BRF1: variants seen among roughly 807,000 people sequenced by gnomAD.
BRF1 encodes transcription factor IIIB 90 kDa subunit.
A neutral mutation model predicts 81.7 loss-of-function variants in BRF1; 59 were observed. The observed-to-expected ratio is 0.72, with a 90% CI of 0.59 to 0.90. The LOEUF (loss-of-function observed/expected upper bound fraction) is 0.90. BRF1 is among the 40% of genes least tolerant of loss of function. The pLI is 0.00. For missense variants in BRF1, 1,050 were observed against 936.3 expected (o/e 1.12, Z -1.58); for synonymous variants, 491 against 395.6 (o/e 1.24, Z -2.86).
At position 105,315,157 on chromosome 14, in the gene BRF1, C is replaced by A; in HGVS notation, c.-162+165G>T. On this transcript the variant is annotated intron_variant, in intron 1 of 17. Coordinates refer to the BRF1 transcript ENST00000327359. The surrounding 1 kb of genome is among the most constrained non-coding windows in gnomAD (Gnocchi z 4.4). Reference sequence around the variant, plus strand: ...CCAGCGGAGCCCAGGTCGCCCCCCGCGCCCCCGCCCGCCGGTTCGACGCGT... The same window carrying A: ...CCAGCGGAGCCCAGGTCGCCCCCCGAGCCCCCGCCCGCCGGTTCGACGCGT... The A allele has an allele frequency of 3.9e-6, 2 of 506,896 alleles. No individual in the cohort carries two copies. The highest frequency in any genetic ancestry group is 5.2e-6 in the Non-Finnish European group (2 of 384,686). 31.4% of individuals were successfully genotyped at this position (506,896 alleles called of 1,614,324 possible).
intron 4 of BRF1, among the ~76,000 whole-genome samples, chr14:105,254,619 T>C (rs951798705): frequency 2.0e-5 from 3 of 151,890 alleles, no homozygotes; most frequent in Non-Finnish European, 2.9e-5. Context: ...TGGAGTGCAA[T>C]GGCGCAATCG....
At chr14:105,229,135 C>T (rs942664621) in intron 6 of BRF1, among the ~76,000 whole-genome samples, 1 of 152,222 alleles carries the variant, frequency 6.6e-6, no homozygotes, top group Non-Finnish European at 1.5e-5. Context: ...ATTTTCAAAT[C>T]AAGGAAAATT....
chr14:105,308,782 T>C (rs919106325), intron 1 of BRF1, among the ~76,000 whole-genome samples: 1 of 151,792 alleles, frequency 6.6e-6, no homozygotes, highest in Non-Finnish European at 1.5e-5. Context: ...TGCCCAGCCA[T>C]GACTTTGTCT....
At chr14:105,305,405 G>GA (rs1179870907), upstream of BRF1, among the ~76,000 whole-genome samples, 1 of 151,494 alleles carries the variant, frequency 6.6e-6, no homozygotes, top group East Asian at 1.9e-4. Flanking sequence ...CTGTCTCAAA[G>GA]AAAAAAGAAA....
At position 105,269,140 on chromosome 14, in the gene BRF1, C is replaced by T. The variant is rs1168176713; in HGVS notation, c.439+3581G>A. ...GGGTCTGGGGGCTCTGGCTGGCAGG[C>T]CTAGGGCACGGTGCTGCCCGCAACC... On this transcript the variant is annotated intron_variant, in intron 3 of 17. Transcript: ENST00000547530. The surrounding 1 kb of genome is among the most constrained non-coding windows in gnomAD (Gnocchi z 5.0). 2.0e-5 allele frequency among the ~76,000 whole-genome samples: 3 copies of T among 152,074 alleles called. No homozygotes were observed. The highest frequency in any genetic ancestry group is 4.4e-5 in the Non-Finnish European group (3 of 67,970).
chr14:105,221,741 G>A lies in BRF1; in HGVS notation c.1222C>T (p.Leu408=). 2 of 1,610,554 alleles carry A rather than the reference G, an allele frequency of 1.2e-6. No individual in the cohort carries two copies. Among genetic ancestry groups the A allele is most frequent in the Non-Finnish European group, 1.7e-6 (2 of 1,179,518 alleles). The change falls in exon 11 of 18, where the codon CTG becomes TTG. Residue 408 remains leucine, a synonymous_variant. Coordinates refer to ENST00000547530, the MANE Select transcript of BRF1 (RefSeq NM_001519.4). ...GGGAGGGGGTCCAGCAGGGACCCCA[G>A]GGCCGGAGGTCTGCCGCCCCACTCG... The part of the protein sequence containing the change: ...SPEWGGRPPA[L]GSLLDPLPTA...
intron 5 of BRF1, chr14:105,248,303 G>T (rs1258155921): frequency 1.0e-6 from 1 of 985,474 alleles, no homozygotes; most frequent in East Asian, 1.1e-4. Context: ...AGGTCCACCT[G>T]CGTTCCTAAC....
chr14:105,278,179 G>A (rs1294881976), intron 2 of BRF1, among the ~76,000 whole-genome samples: 4 of 152,174 alleles, frequency 2.6e-5, no homozygotes, highest in African/African-American at 7.2e-5. Context: ...GCTGTGTGCC[G>A]TGGCTCATGC....
In BRF1 at chr14:105,221,791, C is replaced by G. The variant is rs756277480; in HGVS notation, c.1172G>C (p.Gly391Ala). The change falls in exon 11 of 18, where the codon GGC becomes GCC. Residue 391 changes from glycine to alanine, a missense_variant. Physicochemically the swap from Gly to Ala is moderately conservative, Grantham distance 60. This residue lies in a region of BRF1 where 1,043 missense variants were observed against 915.4 expected (regional missense o/e 1.14). Coordinates refer to ENST00000547530, the MANE Select transcript of BRF1 (RefSeq NM_001519.4). ...GGGGCTTCCTGCTGCTTCCGAGCTGCCGGGGGCACCACCAAGGAGCTCCCG... is the reference window on the plus strand; with the variant it reads ...GGGGCTTCCTGCTGCTTCCGAGCTGGCGGGGGCACCACCAAGGAGCTCCCG... ...LYRELLGGAP[G>A]SSEAAGSPEW... 1 of 1,611,802 alleles carries G rather than the reference C, an allele frequency of 6.2e-7. No homozygotes were observed. Among genetic ancestry groups the G allele is most frequent in the South Asian group, 1.1e-5 (1 of 90,984 alleles).
At position 105,219,851 on chromosome 14, in the gene BRF1, C is replaced by G. The variant is rs368797313; in HGVS notation, c.1377+218G>C. ...GGGCCGCAAGGACCAGGCGCAAAGC[C>G]AGGGGCCTCTCGACAGGCCGCCCCC... On this transcript the variant is annotated intron_variant, in intron 12 of 17. Transcript: ENST00000547530. 1.4e-3 allele frequency: 810 copies of G among 596,826 alleles called. 11 individuals carry two copies. In the African/African-American group the frequency reaches 0.014, roughly 10 times the overall value. 37.0% of individuals were successfully genotyped at this position (596,826 alleles called of 1,614,324 possible).
At position 105,210,456 on chromosome 14, in the gene BRF1, C is replaced by A; in HGVS notation, c.*95G>T. 1.4e-6 allele frequency: 2 copies of A among 1,448,284 alleles called. No individual in the cohort carries two copies. The highest frequency in any genetic ancestry group is 1.2e-5 in the South Asian group (1 of 83,438). 89.7% of individuals were successfully genotyped at this position (1,448,284 alleles called of 1,614,324 possible). A position where few individuals can be genotyped will look rare whatever the true frequency, so the allele number is the denominator to read the frequency against. On this transcript the variant is annotated 3_prime_UTR_variant, in exon 18 of 18. Coordinates refer to ENST00000547530, the MANE Select transcript of BRF1 (RefSeq NM_001519.4). The surrounding 1 kb of genome is among the most constrained non-coding windows in gnomAD (Gnocchi z 4.7). ...CCACCTGTCACCAGGAGTCTCGGCG[C>A]TGGGGCCTGCCTGCTGCGGTCCTGG...
chr14:105,285,365 A>G (rs2057277732), intron 2 of BRF1, among the ~76,000 whole-genome samples: 1 of 152,252 alleles, frequency 6.6e-6, no homozygotes, highest in Non-Finnish European at 1.5e-5. Context: ...TTTTAGGTTT[A>G]CGGTCAATCG....
intron 4 of BRF1, among the ~76,000 whole-genome samples, chr14:105,253,147 C>G (rs889716247): frequency 6.6e-6 from 1 of 152,226 alleles, no homozygotes. Context: ...AGGGCAACGC[C>G]GAGGGCTGGC....
At chr14:105,283,324 A>C (rs1422517068) in intron 2 of BRF1, among the ~76,000 whole-genome samples, 1 of 152,132 alleles carries the variant, frequency 6.6e-6, no homozygotes, top group East Asian at 1.9e-4. Context: ...GAGCTCACTG[A>C]GTGGGCAGCA....
intron 2 of BRF1, among the ~76,000 whole-genome samples, chr14:105,280,067 C>T (rs1232429272): frequency 2.0e-5 from 3 of 152,186 alleles, no homozygotes; most frequent in Non-Finnish European, 4.4e-5. Flanking sequence ...ACCACACCAC[C>T]CAGCAATCAC....
In BRF1 at chr14:105,229,101, G is replaced by A. The variant is rs587705282; in HGVS notation, c.695-188C>T. Among the ~76,000 whole-genome samples the A allele has an allele frequency of 3.7e-4, 57 of 152,330 alleles. 1 individual carries two copies. The highest frequency in any genetic ancestry group is 1.3e-3 in the African/African-American group (56 of 41,582). On this transcript the variant is annotated intron_variant, in intron 6 of 17. Transcript: ENST00000547530. ...ACGACATGACCCTCTCTATCTTATTGTGGGTGGCGGCTGCACCCATTCCAT... is the reference window on the plus strand; with the variant it reads ...ACGACATGACCCTCTCTATCTTATTATGGGTGGCGGCTGCACCCATTCCAT...
chr14:105,256,119 C>T, intron 4 of BRF1: 2 of 1,288,064 alleles, frequency 1.6e-6, no homozygotes, highest in East Asian at 3.4e-5. Context: ...AGCGAGACTC[C>T]ATCTCATAAA....
chr14:105,229,484 G>C (rs895121140), intron 6 of BRF1, among the ~76,000 whole-genome samples: 97 of 152,202 alleles, frequency 6.4e-4, no homozygotes, highest in African/African-American at 2.0e-3. Flanking sequence ...TGAGGAGTGA[G>C]GGCCCTGCCG....
intron 3 of BRF1, among the ~76,000 whole-genome samples, chr14:105,264,226 G>A (rs7153832): frequency 1.3e-5 from 2 of 151,904 alleles, no homozygotes; most frequent in East Asian, 1.9e-4. Flanking sequence ...ATCCTAGCAC[G>A]TTGGGAGGCC....
Sources: gnomAD v4.1 joint callset for allele counts (sites outside exome capture counted in the v4.1 genomes callset) on GRCh38, gnomAD v4.1.1 for gene constraint, gnomAD v4.1.1 regional missense constraint, Gnocchi (gnomAD v3.1) non-coding constraint, MANE v1.5 for transcripts, NCBI Gene and HGNC (gene_info 2026-07-23, HGNC 2026-07-21) for gene names.